CDON: variants seen among roughly 807,000 people sequenced by gnomAD.
The protein encoded by CDON is cell adhesion associated, oncogene regulated.
In CDON, 73 loss-of-function variants were observed where a neutral mutation model predicts 120.9. The ratio of observed to expected loss-of-function variants is 0.60; its 90% CI spans 0.50 to 0.73. The LOEUF (loss-of-function observed/expected upper bound fraction) is 0.73. CDON is among the 30% of genes least tolerant of loss of function. CDON has a pLI of 0.00. For missense variants in CDON, 1,470 were observed against 1,587.3 expected (o/e 0.93, Z 1.26); for synonymous variants, 566 against 573.5 (o/e 0.99, Z 0.19).
In CDON at chr11:126,034,642, T is replaced by A. The variant is rs1478822432; in HGVS notation, c.-61-11105A>T. On this transcript the variant is annotated intron_variant, in intron 1 of 19. Coordinates refer to ENST00000531738, the MANE Select transcript of CDON (RefSeq NM_001378964.1). The surrounding 1 kb of genome is among the most constrained non-coding windows in gnomAD (Gnocchi z 4.5). ...AAGAATTGTGAAGATAATCCTGGCA[T>A]CCACAGTGGGTTGTACAGGAGCATT... Among the ~76,000 whole-genome samples the A allele has an allele frequency of 1.3e-5, 2 of 152,194 alleles. No individual in the cohort carries two copies. Among genetic ancestry groups the A allele is most frequent in the East Asian group, 3.8e-4 (2 of 5,196 alleles).
In CDON at chr11:126,015,388, G is replaced by C. The variant is rs35665264; in HGVS notation, c.1051C>G (p.Pro351Ala). ...AGATGTCGTGCAGAAGGATGAATAG[G>C]CTGTGCATTGTGAAACCAGGTACAG... is the stretch of plus-strand genomic sequence containing the variant. ...PNCTWFHNAQ[P>A]IHPSARHLTA... Residue 351 changes from proline to alanine, a missense_variant, in exon 7 of 20, where the codon CCT (proline) becomes GCT (alanine). By Grantham distance (27) the Pro-to-Ala change is conservative. Coordinates refer to ENST00000531738, the MANE Select transcript of CDON (RefSeq NM_001378964.1). 4,482 of 1,614,146 alleles carry C rather than the reference G, an allele frequency of 2.8e-3. 87 individuals are homozygous for C. In the African/African-American group the frequency reaches 0.05, roughly 18 times the overall value.
chr11:126,011,889 T>C (rs1320727733), intron 7 of CDON, among the ~76,000 whole-genome samples: 3 of 152,200 alleles, frequency 2.0e-5, no homozygotes, highest in Admixed American at 6.5e-5. Context: ...AGTAAGACCC[T>C]GAGTTTCACT....
chr11:126,051,169 C>G (rs760982139), intron 1 of CDON, among the ~76,000 whole-genome samples: 1 of 152,138 alleles, frequency 6.6e-6, no homozygotes, highest in Non-Finnish European at 1.5e-5. Context: ...ATTCCATGGC[C>G]AGCTGACACC....
intron 19 of CDON, among the ~76,000 whole-genome samples, 166 bp from the exon 20 acceptor site, chr11:125,961,271 G>T (rs971640239): frequency 6.6e-6 from 1 of 152,086 alleles, no homozygotes; most frequent in Admixed American, 6.5e-5. Context: ...AGGTTTAAAA[G>T]GTTTAAAATA....
At chr11:126,063,006 G>A (rs1948843882), upstream of CDON, among the ~76,000 whole-genome samples, 1 of 151,814 alleles carries the variant, frequency 6.6e-6, no homozygotes, top group Non-Finnish European at 1.5e-5. Context: ...GGCCGTAGAG[G>A]CCGCTGTGCC....
chr11:125,982,601 T>C (rs546084853), intron 16 of CDON, among the ~76,000 whole-genome samples: 12 of 152,288 alleles, frequency 7.9e-5, no homozygotes, highest in African/African-American at 2.6e-4. Context: ...TACCATTACA[T>C]CTCCACTGTC....
chr11:126,063,297 C>T (rs901309765), upstream of CDON: 16 of 152,340 alleles, frequency 1.1e-4, no homozygotes, highest in African/African-American at 3.4e-4. Context: ...AGAGACGGCT[C>T]TTCTGGCAGG....
chr11:126,022,464 AG>A (rs1215018839), intron 2 of CDON, among the ~76,000 whole-genome samples: 1 of 152,228 alleles, frequency 6.6e-6, no homozygotes, highest in African/African-American at 2.4e-5. Context: ...CTATTACTCC[AG>A]GAACATGGGA....
chr11:126,025,193 A>C (rs547595986), intron 1 of CDON, among the ~76,000 whole-genome samples: 1 of 152,348 alleles, frequency 6.6e-6, no homozygotes, highest in East Asian at 1.9e-4. Context: ...CAACAGAGCC[A>C]GACTCCATAT....
Position 125,988,383 on chromosome 11 carries a change from T to C in CDON, c.2773+1254A>G, listed in dbSNP as rs117045215. Among the ~76,000 whole-genome samples, 871 of 152,210 alleles carry C rather than the reference T, an allele frequency of 5.7e-3. 18 individuals carry two copies. Among genetic ancestry groups the C allele is most frequent in the Non-Finnish European group, 3.9e-3 (265 of 68,010 alleles). On this transcript the variant is annotated intron_variant, in intron 15 of 19. Transcript: ENST00000531738. The stretch of plus-strand genomic sequence containing the variant: ...AGGAAAGACAGAAAAAAATGAATTT[T>C]TTTTTCTTTTGAGACAAGGTCTCAC...
In CDON at chr11:125,968,217, T is replaced by A. The variant is rs945233482; in HGVS notation, c.3357-6219A>T. ...AGATTGAACTTGAATGAACTCATAATGTTGATATAACAAAACAATGATGAC... is the reference window on the plus strand; with the variant it reads ...AGATTGAACTTGAATGAACTCATAAAGTTGATATAACAAAACAATGATGAC... On this transcript the variant is annotated intron_variant, in intron 18 of 19. Coordinates refer to ENST00000531738, the MANE Select transcript of CDON (RefSeq NM_001378964.1). 2.0e-5 allele frequency among the ~76,000 whole-genome samples: 3 copies of A among 152,256 alleles called. 1 individual carries two copies. Among genetic ancestry groups the A allele is most frequent in the Admixed American group, 2.0e-4 (3 of 15,288 alleles).
intron 1 of CDON, among the ~76,000 whole-genome samples, chr11:126,051,741 G>A (rs928765182): frequency 2.0e-5 from 3 of 149,020 alleles, no homozygotes; most frequent in African/African-American, 7.4e-5. Flanking sequence ...TCTGCCTCCC[G>A]AGTTCAAGCG....
At chr11:125,984,122 G>A in intron 15 of CDON, 29 bp from the exon 16 acceptor site, 2 of 1,460,400 alleles carry the variant, frequency 1.4e-6, no homozygotes, top group Non-Finnish European at 1.9e-6. Flanking sequence ...AAAACATGAT[G>A]TCAGAGTGAA....
chr11:125,967,909 A>AG (rs1945850237), intron 18 of CDON, among the ~76,000 whole-genome samples: 1 of 152,146 alleles, frequency 6.6e-6, no homozygotes, highest in African/African-American at 2.4e-5. Context: ...TTTGTAGAGA[A>AG]GGGGGTCTCA....
intron 1 of CDON, among the ~76,000 whole-genome samples, chr11:126,033,424 T>C (rs1459826016): frequency 2.0e-5 from 3 of 152,128 alleles, no homozygotes; most frequent in Non-Finnish European, 4.4e-5. Flanking sequence ...TGGCTCAGGC[T>C]GAATCCCAAA....
At chr11:126,060,370 A>G (rs1948767269) in intron 1 of CDON, among the ~76,000 whole-genome samples, 1 of 152,208 alleles carries the variant, frequency 6.6e-6, no homozygotes, top group South Asian at 2.1e-4. Flanking sequence ...ATACTTCTAC[A>G]TCATGCCATA....
intron 1 of CDON, among the ~76,000 whole-genome samples, chr11:126,044,855 CAAT>C (rs1251061152): frequency 1.3e-5 from 2 of 151,642 alleles, no homozygotes; most frequent in African/African-American, 4.9e-5. Flanking sequence ...CTACAGTTAC[CAAT>C]AATTTATTGT....
rs1262216195 is a variant in CDON, at chr11:126,001,833, T to C, written c.2044A>G (p.Lys682Glu). The C allele has an allele frequency of 6.2e-7, 1 of 1,605,224 alleles. No individual in the cohort carries two copies. The highest frequency in any genetic ancestry group is 8.5e-7 in the Non-Finnish European group (1 of 1,171,794). Residue 682 changes from lysine to glutamate, a missense_variant, in exon 11 of 20, where the codon AAA becomes GAA. By Grantham distance (56) the Lys-to-Glu change is moderately conservative (BLOSUM62 1). Transcript: ENST00000531738. ...GGTGGAGAGGATGCCTGGGTGTTTT[T>C]TGATGACGCTGTTTTTTCTAGAAAG... ...RTSKEKTASS[K>E]NTQASSPPVG...
At chr11:126,014,460 C>T (rs570155710) in intron 7 of CDON, among the ~76,000 whole-genome samples, 1 of 152,262 alleles carries the variant, frequency 6.6e-6, no homozygotes, top group East Asian at 1.9e-4. Flanking sequence ...TTAAGTATTG[C>T]TGGTGGGAGT....
Sources: gnomAD v4.1 joint callset for allele counts (sites outside exome capture counted in the v4.1 genomes callset) on GRCh38, gnomAD v4.1.1 for gene constraint, Gnocchi (gnomAD v3.1) non-coding constraint, MANE v1.5 for transcripts, NCBI Gene and HGNC (gene_info 2026-07-23, HGNC 2026-07-21) for gene names.